Variants in TUB observed in about 807,000 individuals in gnomAD.
TUB encodes the protein tubby protein homolog.
TUB carries 33 observed loss-of-function variants against 59.7 expected under a neutral mutation model. The observed-to-expected ratio is 0.55, with a 90% CI of 0.42 to 0.74. The LOEUF (loss-of-function observed/expected upper bound fraction) is 0.74. Ranked by LOEUF, TUB falls within the 30% of genes least tolerant of loss-of-function variation. The pLI is 0.00. For missense variants in TUB, 659 were observed against 672.0 expected, an observed-to-expected ratio of 0.98 and a Z score of 0.21; for synonymous variants, 293 against 256.4, an observed-to-expected ratio of 1.14 and a Z score of -1.36.
At chr11:8,051,220 CA>C (rs1942930487) in intron 2 of TUB, among the ~76,000 whole-genome samples, 1 of 152,178 alleles carries the variant, frequency 6.6e-6, no homozygotes, top group South Asian at 2.1e-4. Context: ...AGTTTGTTCA[CA>C]AGTGGCAATT....
intron 1 of TUB, among the ~76,000 whole-genome samples, chr11:8,087,656 T>G (rs113585494): frequency 0.022 from 3,426 of 152,338 alleles, 120 homozygotes; most frequent in African/African-American, 0.078. Context: ...GTATGCACTG[T>G]GCGTGTGGCT....
At chr11:8,056,851 A>C (rs1406182513) in intron 2 of TUB, among the ~76,000 whole-genome samples, 1 of 152,028 alleles carries the variant, frequency 6.6e-6, no homozygotes, top group African/African-American at 2.4e-5. Context: ...TGTCTCAAGT[A>C]AGGTGTGGGG....
At chr11:8,101,445 G>A in intron 11 of TUB, 41 bp from the exon 12 acceptor site, 1 of 1,608,370 alleles carries the variant, frequency 6.2e-7, no homozygotes, top group Non-Finnish European at 8.5e-7. Flanking sequence ...TACCATTCCT[G>A]TCCTGTCCTT....
intron 2 of TUB, among the ~76,000 whole-genome samples, chr11:8,051,861 G>A (rs1367475398): frequency 6.6e-6 from 1 of 152,180 alleles, no homozygotes; most frequent in Non-Finnish European, 1.5e-5. Flanking sequence ...TGTATGTGAT[G>A]TGAAATAGGG....
chr11:8,095,735 G>A, intron 5 of TUB, 70 bp downstream of exon 5: 1 of 1,488,460 alleles, frequency 6.7e-7, no homozygotes, highest in Non-Finnish European at 9.1e-7. Context: ...CCTTTCTCTG[G>A]GAGCATGGCC....
At chr11:8,021,573 A>C (rs1436753542) in intron 1 of TUB, among the ~76,000 whole-genome samples, 1 of 152,152 alleles carries the variant, frequency 6.6e-6, no homozygotes, top group African/African-American at 2.4e-5. Flanking sequence ...TGTTTTATTA[A>C]TGCATATTGT....
rs765046756 is a variant in TUB, at chr11:8,089,671, C to T, written c.90+10C>T. ...GAAGCTTGATCGGCAGGTGAGTAGG[C>T]CTGGGGCCGGGTAGAAGGGAAGAGT... On this transcript the variant is annotated intron_variant, in intron 2 of 11. Coordinates refer to ENST00000299506, the MANE Select transcript of TUB (RefSeq NM_177972.3). 2 of 1,614,126 alleles carry T rather than the reference C, an allele frequency of 1.2e-6. No homozygotes were observed. The highest frequency in any genetic ancestry group is 2.2e-5 in the South Asian group (2 of 91,078).
chr11:8,101,893 T>C lies in TUB; in HGVS notation c.*274T>C, dbSNP rs984715848. On this transcript the variant is annotated 3_prime_UTR_variant, in exon 12 of 12. Coordinates refer to ENST00000299506, the MANE Select transcript of TUB (RefSeq NM_177972.3). ...ACACACACTCCCACCCTTGGGGTAG[T>C]AGTGTGTTGTAGTCGTACTTACCAA... The C allele has an allele frequency of 1.3e-5, 6 of 453,120 alleles. No individual in the cohort carries two copies. The highest frequency in any genetic ancestry group is 7.8e-5 in the African/African-American group (4 of 51,006). The allele number at this position is 453,120 out of a possible 1,614,324, so 28.1% of individuals were successfully genotyped here.
intron 1 of TUB, among the ~76,000 whole-genome samples, chr11:8,088,966 G>C (rs776821886): frequency 6.6e-6 from 1 of 152,194 alleles, no homozygotes; most frequent in African/African-American, 2.4e-5. Flanking sequence ...AGACACCTCT[G>C]TGTGGCCCAA....
At chr11:8,096,604 C>A in intron 5 of TUB, 81 bp from the exon 6 acceptor site, 2 of 938,412 alleles carry the variant, frequency 2.1e-6, no homozygotes, top group Non-Finnish European at 1.8e-6. Flanking sequence ...AGTGTCTGAA[C>A]ATGAGTATGT....
At chr11:8,098,366 A>G (rs1395951740) in intron 8 of TUB, among the ~76,000 whole-genome samples, 1 of 152,108 alleles carries the variant, frequency 6.6e-6, no homozygotes. Context: ...CTGGACTGAG[A>G]CTTAGGCTGG....
At chr11:8,044,714 A>T (rs955725441) in intron 2 of TUB, among the ~76,000 whole-genome samples, 2 of 152,226 alleles carry the variant, frequency 1.3e-5, no homozygotes, top group Non-Finnish European at 2.9e-5. Flanking sequence ...CCCCCATTTC[A>T]TAAGTCCCAG....
At chr11:8,055,726 C>T (rs573562616) in intron 2 of TUB, among the ~76,000 whole-genome samples, 20 of 152,350 alleles carry the variant, frequency 1.3e-4, no homozygotes, top group Non-Finnish European at 8.8e-5. Context: ...GAGCTGAGGG[C>T]TGGGACAGCC....
Position 8,099,766 on chromosome 11 carries a change from G to A in TUB, c.1117-737G>A, listed in dbSNP as rs993684785. Among the ~76,000 whole-genome samples the A allele has an allele frequency of 9.2e-5, 14 of 152,206 alleles. No homozygotes were observed. The South Asian group carries it at 1.2e-3, about 14-fold the overall frequency. ...AGAATTTCAGAATGGCAGGGAGGGC[G>A]TCACTGAGGTAGCTCTTGAGTAAAG... is the stretch of plus-strand genomic sequence containing the variant. On this transcript the variant is annotated intron_variant, in intron 9 of 11. Transcript: ENST00000299506.
chr11:8,024,925 A>G (rs12292599), intron 1 of TUB, among the ~76,000 whole-genome samples: 2,585 of 152,344 alleles, frequency 0.017, 81 homozygotes, highest in African/African-American at 0.059. Context: ...TTTGCAGCCC[A>G]GGTCCTTAAA....
intron 1 of TUB, among the ~76,000 whole-genome samples, chr11:8,032,091 C>T (rs917038564): frequency 6.6e-6 from 1 of 151,882 alleles, no homozygotes; most frequent in African/African-American, 2.4e-5. Context: ...CCTCCCACTG[C>T]AGGTGAGTGT....
intron 1 of TUB, 69 bp downstream of exon 1, chr11:8,081,617 G>A: frequency 1.4e-6 from 2 of 1,430,858 alleles, no homozygotes; most frequent in Non-Finnish European, 9.2e-7. Flanking sequence ...GGGATACGCG[G>A]CCGGGGCGCA....
In TUB at chr11:8,049,745, T is replaced by C. The variant is rs181978451; in HGVS notation, c.203+10053T>C. ...AGTAAATTTGGAATACATAAAACAA[T>C]ATAAGGAAGAAAAATAAGATGACCT... On this transcript the variant is annotated intron_variant, in intron 2 of 12. Transcript: ENST00000305253. Among the ~76,000 whole-genome samples, 141 of 152,064 alleles carry C rather than the reference T, an allele frequency of 9.3e-4. 1 individual carries two copies. Among genetic ancestry groups the C allele is most frequent in the African/African-American group, 3.1e-3 (128 of 41,488 alleles).
At position 8,081,363 on chromosome 11, in the gene TUB, G is replaced by C; in HGVS notation, c.-148G>C. The C allele has an allele frequency of 1.0e-6, 1 of 989,278 alleles. No individual in the cohort carries two copies. The highest frequency in any genetic ancestry group is 1.2e-6 in the Non-Finnish European group (1 of 833,224). The allele number at this position is 989,278 out of a possible 1,614,324, so 61.3% of individuals were successfully genotyped here. ...TCGCAGAGCCAGCAGCCGGGGCCCT[G>C]GCGTGCAGCGCGGGCCTCGGCGGGG... On this transcript the variant is annotated 5_prime_UTR_variant, in exon 1 of 12. Coordinates refer to ENST00000299506, the MANE Select transcript of TUB (RefSeq NM_177972.3).
Sources: allele counts gnomAD v4.1 joint callset (sites outside exome capture counted in the v4.1 genomes callset), GRCh38; gene constraint gnomAD v4.1.1; transcripts MANE v1.5; gene names NCBI Gene and HGNC (gene_info 2026-07-23, HGNC 2026-07-21).